Variants in ARSG observed in about 807,000 individuals in gnomAD.
ARSG encodes the protein arylsulfatase G, also known as ASG.
A neutral mutation model predicts 50.5 loss-of-function variants in ARSG; 37 were observed. That is an observed-to-expected ratio of 0.73 (90% CI 0.56 to 0.96). The LOEUF is 0.96. Ranked by LOEUF, ARSG falls within the 50% of genes least tolerant of loss-of-function variation. The pLI is 0.00. For missense variants in ARSG, 629 were observed against 675.3 expected (o/e 0.93, Z 0.76); for synonymous variants, 225 against 254.6 (o/e 0.88, Z 1.11).
intron 1 of ARSG, among the ~76,000 whole-genome samples, chr17:68,277,631 T>C (rs1426831818): frequency 1.3e-5 from 2 of 152,174 alleles, no homozygotes; most frequent in Non-Finnish European, 2.9e-5. Flanking sequence ...GGTTTCGCCA[T>C]GTTGGCCAGC....
At chr17:68,260,357 G>A (rs1228362145) in intron 1 of ARSG, among the ~76,000 whole-genome samples, 1 of 152,136 alleles carries the variant, frequency 6.6e-6, no homozygotes, top group African/African-American at 2.4e-5. Flanking sequence ...TTTCCCCCGG[G>A]TTGTTTACAA....
intron 9 of ARSG, among the ~76,000 whole-genome samples, chr17:68,394,016 C>T (rs1281300877): frequency 1.3e-5 from 2 of 151,816 alleles, no homozygotes; most frequent in African/African-American, 2.4e-5. Flanking sequence ...TGGTCTCAAA[C>T]CGGCCATTGT....
At chr17:68,438,137 C>T in the ARSG span, among the ~76,000 whole-genome samples, 6 of 152,264 alleles carry the variant, frequency 3.9e-5, no homozygotes, top group Admixed American at 1.3e-4. Flanking sequence ...GTCTCATTTC[C>T]TGCTCTGGCT....
chr17:68,324,070 CA>C (rs57040262), intron 2 of ARSG, among the ~76,000 whole-genome samples: 2,027 of 89,782 alleles, frequency 0.023, 15 homozygotes, highest in Non-Finnish European at 0.028. Context: ...AAAACTCCAT[CA>C]AAAAAAAAAA....
At chr17:68,266,875 A>G (rs1351645703) in intron 1 of ARSG, among the ~76,000 whole-genome samples, 1 of 152,146 alleles carries the variant, frequency 6.6e-6, no homozygotes, top group African/African-American at 2.4e-5. Context: ...GGGAAACTTT[A>G]TGTGTCTCTA....
intron 2 of ARSG, among the ~76,000 whole-genome samples, chr17:68,331,309 G>T (rs561760532): frequency 3.4e-5 from 5 of 148,960 alleles, no homozygotes; most frequent in African/African-American, 1.2e-4. Flanking sequence ...GGAGTGTAGT[G>T]GCACAATCTC....
chr17:68,290,423 C>T (rs2075945852), upstream of ARSG, among the ~76,000 whole-genome samples: 1 of 152,268 alleles, frequency 6.6e-6, no homozygotes. Context: ...GCGACACCAG[C>T]GCTTTCCTGC....
At chr17:68,418,036 T>C (rs2082504845) in intron 11 of ARSG, among the ~76,000 whole-genome samples, 1 of 152,104 alleles carries the variant, frequency 6.6e-6, no homozygotes, top group African/African-American at 2.4e-5. Context: ...GGCTGAGTTG[T>C]TGATTTTTTA....
chr17:68,426,259 A>AATAAAGGGC, downstream of ARSG: 1 of 1,033,428 alleles, frequency 9.7e-7, no homozygotes, highest in Admixed American at 2.0e-5. Flanking sequence ...CGGGGGCTCA[A>AATAAAGGGC]ATAAAGGGCA....
intron 5 of ARSG, 123 bp from the exon 6 acceptor site, chr17:68,356,544 G>T (rs1289057099): frequency 8.4e-7 from 1 of 1,193,436 alleles, no homozygotes; most frequent in Non-Finnish European, 1.2e-6. Context: ...TGGCCAACCA[G>T]AAAAATCATT....
Position 68,317,395 on chromosome 17 carries a change from G to T in ARSG, c.218+9684G>T, listed in dbSNP as rs189988243. 4.2e-3 allele frequency among the ~76,000 whole-genome samples: 634 copies of T among 152,050 alleles called. 8 individuals are homozygous for T. Among genetic ancestry groups the T allele is most frequent in the African/African-American group, 0.015 (616 of 41,484 alleles). ...ATAATCAGCTCTCTGCCATGTGGGG[G>T]TCGATTATGTGGTTTGTGGGTTTGC... On this transcript the variant is annotated intron_variant, in intron 2 of 11. Transcript: ENST00000621439.
intron 2 of ARSG, among the ~76,000 whole-genome samples, chr17:68,321,437 C>T (rs2077278330): frequency 6.6e-6 from 1 of 152,134 alleles, no homozygotes; most frequent in Non-Finnish European, 1.5e-5. Context: ...CTTTCCAGTT[C>T]CCATCTCCCA....
chr17:68,394,786 G>A (rs2081159652), intron 9 of ARSG, among the ~76,000 whole-genome samples: 1 of 152,158 alleles, frequency 6.6e-6, no homozygotes, highest in Non-Finnish European at 1.5e-5. Context: ...TTAGAGAATT[G>A]AAAACTGAGG....
At chr17:68,274,328 T>C (rs1306598640) in intron 1 of ARSG, 2 of 311,510 alleles carry the variant, frequency 6.4e-6, no homozygotes, top group Non-Finnish European at 1.2e-5. Context: ...TAGCCAGGCA[T>C]GGTGGTGTGC....
At chr17:68,290,414 C>T (rs1187502675), upstream of ARSG, among the ~76,000 whole-genome samples, 2 of 152,224 alleles carry the variant, frequency 1.3e-5, no homozygotes, top group African/African-American at 4.8e-5. Context: ...AACTGCTTGG[C>T]GACACCAGCG....
chr17:68,387,343 G>T (rs1250052459), intron 9 of ARSG, among the ~76,000 whole-genome samples: 1 of 152,036 alleles, frequency 6.6e-6, no homozygotes, highest in African/African-American at 2.4e-5. Context: ...TGCCCAGGCT[G>T]GTGTTGAACT....
chr17:68,329,524 G>A (rs1004864393), intron 2 of ARSG, among the ~76,000 whole-genome samples: 2 of 152,186 alleles, frequency 1.3e-5, no homozygotes, highest in Non-Finnish European at 2.9e-5. Context: ...AGTTGCCCCA[G>A]GCCCCACTGG....
chr17:68,433,487 G>A, the ARSG span: 2 of 1,613,968 alleles, frequency 1.2e-6, no homozygotes, highest in Admixed American at 1.7e-5. Context: ...ACCTGTTCCA[G>A]CTTGAAGATG....
intron 1 of ARSG, among the ~76,000 whole-genome samples, chr17:68,269,915 C>T (rs2075281466): frequency 6.6e-6 from 1 of 151,910 alleles, no homozygotes; most frequent in Admixed American, 6.6e-5. Context: ...TCAAATGATC[C>T]GCCCGCCTCA....
Sources: gnomAD v4.1 joint callset for allele counts (sites outside exome capture counted in the v4.1 genomes callset) on GRCh38, gnomAD v4.1.1 for gene constraint, MANE v1.5 for transcripts, NCBI Gene and HGNC (gene_info 2026-07-23, HGNC 2026-07-21) for gene names.